FZD6: variants seen among roughly 807,000 people sequenced by gnomAD.
FZD6 encodes frizzled class receptor 6.
In FZD6, 49 loss-of-function variants were observed where a neutral mutation model predicts 61.4. The observed-to-expected ratio is 0.80, with a 90% confidence interval of 0.63 to 1.01. The LOEUF (loss-of-function observed/expected upper bound fraction) is 1.01. FZD6 is among the 50% of genes least tolerant of loss of function. FZD6 has a pLI of 0.00. For missense variants in FZD6, 724 were observed against 848.2 expected, an observed-to-expected ratio of 0.85 and a Z score of 1.82; for synonymous variants, 265 against 292.2, an observed-to-expected ratio of 0.91 and a Z score of 0.95.
intron 4 of FZD6, 115 bp downstream of exon 4, chr8:103,325,613 C>T (rs1009721358): frequency 8.9e-5 from 77 of 866,284 alleles, no homozygotes; most frequent in South Asian, 5.3e-4. Context: ...ATACAAGAGC[C>T]ATAGGTAAGG....
At position 103,325,111 on chromosome 8, in the gene FZD6, A is replaced by T; in HGVS notation, c.1005A>T (p.Pro335=). ...VWFHAVAWGT[P]GFLTVMLLAM... Reference sequence around the variant, plus strand: ...TTCATGCTGTTGCATGGGGAACACCAGGTTTCCTGACTGTTATGCTTCTTG... The same window carrying T: ...TTCATGCTGTTGCATGGGGAACACCTGGTTTCCTGACTGTTATGCTTCTTG... Residue 335 remains proline, a synonymous_variant, in exon 4 of 7, where the codon CCA becomes CCT. Coordinates refer to ENST00000358755, the MANE Select transcript of FZD6 (RefSeq NM_003506.4). 6.2e-7 allele frequency: 1 copy of T among 1,614,214 alleles called. No homozygotes were observed. Among genetic ancestry groups the T allele is most frequent in the Non-Finnish European group, 8.5e-7 (1 of 1,180,030 alleles).
chr8:103,331,699 A>C lies in FZD6; in HGVS notation c.*190A>C. 1 of 441,900 alleles carries C rather than the reference A, an allele frequency of 2.3e-6. No individual in the cohort carries two copies. The highest frequency in any genetic ancestry group is 4.5e-5 in the Admixed American group (1 of 22,448). 27.4% of individuals were successfully genotyped at this position (441,900 alleles called of 1,614,324 possible). A position where few individuals can be genotyped will look rare whatever the true frequency, so the allele number is the denominator to read the frequency against. ...ACACAAAGGTTAATGACAACAATAT[A>C]CCTGAAAACAGAAAATGTGCAGGTT... On this transcript the variant is annotated 3_prime_UTR_variant, in exon 7 of 7. Transcript: ENST00000358755.
At chr8:103,330,604 T>C (rs762664659) in intron 6 of FZD6, among the ~76,000 whole-genome samples, 2 of 152,210 alleles carry the variant, frequency 1.3e-5, no homozygotes, top group Admixed American at 6.5e-5. Context: ...ACCTTCTCTG[T>C]GATCCTATGG....
chr8:103,323,911 G>T lies in FZD6; in HGVS notation c.375-570G>T, dbSNP rs532480344. Reference sequence around the variant, plus strand: ...GTGATGTTCATTAAGCTGGTCCTCAGCCTGCCTCTTGCTGGTATACTTGCC... The same window carrying T: ...GTGATGTTCATTAAGCTGGTCCTCATCCTGCCTCTTGCTGGTATACTTGCC... On this transcript the variant is annotated intron_variant, in intron 3 of 6. Coordinates refer to ENST00000358755, the MANE Select transcript of FZD6 (RefSeq NM_003506.4). Among the ~76,000 whole-genome samples the T allele has an allele frequency of 9.2e-5, 14 of 152,290 alleles. No individual in the cohort carries two copies. The South Asian group carries it at 2.9e-3, about 32-fold the overall frequency.
At chr8:103,313,301 G>A (rs911213640) in intron 2 of FZD6, among the ~76,000 whole-genome samples, 9 of 152,310 alleles carry the variant, frequency 5.9e-5, no homozygotes, top group Admixed American at 5.2e-4. Flanking sequence ...AGTAGCATTC[G>A]ATCAGGAATA....
chr8:103,321,474 A>G (rs1349070147), intron 3 of FZD6, among the ~76,000 whole-genome samples: 1 of 152,232 alleles, frequency 6.6e-6, no homozygotes, highest in Non-Finnish European at 1.5e-5. Context: ...CACACAAAGA[A>G]AGAGGGGAAC....
At chr8:103,328,563 T>C in intron 5 of FZD6, 147 bp downstream of exon 5, 1 of 668,610 alleles carries the variant, frequency 1.5e-6, no homozygotes, top group Non-Finnish European at 2.6e-6. Context: ...ATTTTTTTTA[T>C]GAAAGAGACG....
chr8:103,318,815 T>A, intron 3 of FZD6, 29 bp downstream of exon 3: 1 of 1,297,670 alleles, frequency 7.7e-7, no homozygotes, highest in Non-Finnish European at 1.1e-6. Flanking sequence ...GGAAAGCTAC[T>A]AATGGTATTT....
chr8:103,329,296 C>T (rs1815053958), intron 5 of FZD6, among the ~76,000 whole-genome samples: 1 of 151,300 alleles, frequency 6.6e-6, no homozygotes, highest in African/African-American at 2.4e-5. Flanking sequence ...TATTCTCTAT[C>T]CTTTTCTTCT....
chr8:103,312,996 G>C (rs1814538892), intron 2 of FZD6, among the ~76,000 whole-genome samples: 1 of 152,144 alleles, frequency 6.6e-6, no homozygotes, highest in Non-Finnish European at 1.5e-5. Context: ...GCTGTGCTTT[G>C]GGAAAGGGTA....
chr8:103,299,910 A>T lies in FZD6; in HGVS notation c.-152-46A>T, dbSNP rs932570091. The T allele has an allele frequency of 2.6e-5, 14 of 547,140 alleles. 1 individual carries two copies. The highest frequency in any genetic ancestry group is 4.6e-5 in the Non-Finnish European group (14 of 303,366). The allele number at this position is 547,140 out of a possible 1,614,324, so 33.9% of individuals were successfully genotyped here. On this transcript the variant is annotated intron_variant, in intron 1 of 6. Coordinates refer to ENST00000358755, the MANE Select transcript of FZD6 (RefSeq NM_003506.4). ...ACTCTGCACTTTGACTCCACATTTGAGTTTATGACAAATGTTGCTGATACA... is the reference window on the plus strand; with the variant it reads ...ACTCTGCACTTTGACTCCACATTTGTGTTTATGACAAATGTTGCTGATACA...
chr8:103,331,418 C>G lies in FZD6; in HGVS notation c.2030C>G (p.Pro677Arg). The change falls in exon 7 of 7, where the codon CCA (proline) becomes CGA (arginine). Residue 677 changes from proline to arginine, a missense_variant. Physicochemically the swap from Pro to Arg is moderately radical, Grantham distance 103. Coordinates refer to ENST00000358755, the MANE Select transcript of FZD6 (RefSeq NM_003506.4). ...TTGCAGGTCCCCAGTTCTTCAGAAC[C>G]AAGCAGCCTCAAAGGTTCCACATCT... ...NNLQVPSSSEPSSLKGSTSLL... is the reference protein window; with the variant it reads ...NNLQVPSSSERSSLKGSTSLL... 2.5e-6 allele frequency: 4 copies of G among 1,609,734 alleles called. No individual in the cohort carries two copies. The highest frequency in any genetic ancestry group is 3.4e-6 in the Non-Finnish European group (4 of 1,176,068).
At chr8:103,308,182 C>T (rs1038618525) in intron 2 of FZD6, among the ~76,000 whole-genome samples, 3 of 152,186 alleles carry the variant, frequency 2.0e-5, no homozygotes, top group Non-Finnish European at 4.4e-5. Flanking sequence ...AGAGAAAAGG[C>T]TGATTGACAT....
intron 2 of FZD6, among the ~76,000 whole-genome samples, chr8:103,304,825 G>A (rs2948450): frequency 0.075 from 11,376 of 152,240 alleles, 615 homozygotes; most frequent in Middle Eastern, 0.23. Flanking sequence ...TGAGTTATTT[G>A]TTACTTACTT....
chr8:103,329,991 C>T lies in FZD6; in HGVS notation c.1878C>T (p.Ser626=), dbSNP rs146169987. The part of the protein sequence containing the change: ...GEPASPAASI[S]RLSGEQVDGK... ...CTGCCTCGCCAGCAGCATCCATCTC[C>T]AGACTCTCTGGGGAACAGGTCGACG... Residue 626 remains serine (S), a synonymous_variant, in exon 6 of 7, where the codon TCC becomes TCT. Coordinates refer to ENST00000358755, the MANE Select transcript of FZD6 (RefSeq NM_003506.4). 6 of 1,614,092 alleles carry T rather than the reference C, an allele frequency of 3.7e-6. No homozygotes were observed. Among genetic ancestry groups the T allele is most frequent in the Non-Finnish European group, 5.1e-6 (6 of 1,179,984 alleles).
intron 2 of FZD6, among the ~76,000 whole-genome samples, chr8:103,304,937 G>T (rs1402373294): frequency 6.6e-6 from 1 of 152,158 alleles, no homozygotes; most frequent in Non-Finnish European, 1.5e-5. Flanking sequence ...TAAAATGAGG[G>T]ACTTCAGTTT....
chr8:103,310,950 T>C (rs1185177651), intron 2 of FZD6, among the ~76,000 whole-genome samples: 1 of 152,154 alleles, frequency 6.6e-6, no homozygotes, highest in East Asian at 1.9e-4. Flanking sequence ...TGCAAACCAT[T>C]CTTTATGTTT....
rs374209572 is a variant in FZD6 at position 103,325,247 on chromosome 8, G to A, written c.1141G>A (p.Val381Ile). The A allele has an allele frequency of 6.2e-7, 1 of 1,614,040 alleles. No individual in the cohort carries two copies. Among genetic ancestry groups the A allele is most frequent in the Non-Finnish European group, 8.5e-7 (1 of 1,180,022 alleles). The change falls in exon 4 of 7, where the codon GTT becomes ATT. Residue 381 changes from valine (V) to isoleucine (I), a missense_variant. Transcript: ENST00000358755. Reference protein sequence around the residue: ...VLLPLCLCVFVGLSLLLAGII... With the variant: ...VLLPLCLCVFIGLSLLLAGII... ...CTTGCCACTGTGCCTTTGTGTGTTT[G>A]TTGGGCTCTCTCTTCTTTTAGCTGG...
chr8:103,329,976 A>G lies in FZD6; in HGVS notation c.1863A>G (p.Pro621=). The part of the protein sequence containing the change: ...REQDCGEPAS[P]AASISRLSGE... ...AGGACTGTGGTGAACCTGCCTCGCC[A>G]GCAGCATCCATCTCCAGACTCTCTG... The change falls in exon 6 of 7, where the codon CCA becomes CCG. Residue 621 remains proline, a synonymous_variant. Coordinates refer to ENST00000358755, the MANE Select transcript of FZD6 (RefSeq NM_003506.4). 6.2e-7 allele frequency: 1 copy of G among 1,614,098 alleles called. No individual in the cohort carries two copies. Among genetic ancestry groups the G allele is most frequent in the Non-Finnish European group, 8.5e-7 (1 of 1,179,928 alleles).
Sources: gnomAD v4.1 joint callset for allele counts (sites outside exome capture counted in the v4.1 genomes callset) on GRCh38, gnomAD v4.1.1 for gene constraint, MANE v1.5 for transcripts, NCBI Gene and HGNC (gene_info 2026-07-23, HGNC 2026-07-21) for gene names.